SNX25: variants seen among roughly 807,000 people sequenced by gnomAD.
SNX25 encodes the protein sorting nexin-25.
SNX25 carries 62 observed loss-of-function variants against 113.7 expected under a neutral mutation model. That is an observed-to-expected ratio of 0.55 (90% CI 0.44 to 0.67). SNX25 has a LOEUF of 0.67. SNX25 is among the 30% of genes least tolerant of loss of function. The probability of loss-of-function intolerance (pLI) is 0.00; values close to 1 mark genes in which losing one functional copy is unlikely to be tolerated. For synonymous variants in SNX25, 421 were observed against 436.2 expected (o/e 0.97, Z 0.43); for missense variants, 1,014 against 1,161.0 (o/e 0.87, Z 1.84).
chr4:185,357,840 T>A, intron 16 of SNX25, 103 bp downstream of exon 16: 1 of 959,912 alleles, frequency 1.0e-6, no homozygotes, highest in Non-Finnish European at 1.6e-6. Flanking sequence ...TGAAAGTCTT[T>A]AATTTTCTCT....
At chr4:185,283,346 A>C (rs545065145) in intron 5 of SNX25, among the ~76,000 whole-genome samples, 1 of 152,356 alleles carries the variant, frequency 6.6e-6, no homozygotes, top group South Asian at 2.1e-4. Flanking sequence ...GGAGTGTTTA[A>C]TAAGAGTTAA....
chr4:185,265,436 G>A (rs903050105), intron 4 of SNX25, among the ~76,000 whole-genome samples: 1 of 152,094 alleles, frequency 6.6e-6, no homozygotes, highest in African/African-American at 2.4e-5. Context: ...TATAGAAAAG[G>A]TACAGTAAAA....
At chr4:185,301,879 G>A (rs963732913) in intron 6 of SNX25, among the ~76,000 whole-genome samples, 19 of 146,758 alleles carry the variant, frequency 1.3e-4, no homozygotes. Context: ...GACCCACCAT[G>A]CCTGGCCCTT....
intron 1 of SNX25, among the ~76,000 whole-genome samples, chr4:185,213,654 G>A (rs997732897): frequency 1.3e-5 from 2 of 152,130 alleles, no homozygotes; most frequent in African/African-American, 4.8e-5. Context: ...ACTCACCTGG[G>A]TCTGAGCCTC....
intron 10 of SNX25, among the ~76,000 whole-genome samples, chr4:185,337,993 C>A (rs1303623425): frequency 6.6e-6 from 1 of 152,024 alleles, no homozygotes; most frequent in Non-Finnish European, 1.5e-5. Context: ...CTATTCAAAT[C>A]CTTTGTGCAT....
chr4:185,210,084 G>A lies in SNX25; in HGVS notation c.258G>A (p.Gly86=). ...GCGGGGAGGCGGCGGGGGCCGCGGG[G>A]CTGAGCTCCGTCCTGTTCAGGCTCA... ...PGSGEAAGAA[G]LSSVLFRLSL... is the part of the protein sequence containing the mutation. Residue 86 remains glycine, a synonymous_variant, in exon 1 of 19, where the codon GGG becomes GGA. Transcript: ENST00000652585. This position sits in a 1 kb window ranked among gnomAD's most constrained non-coding sequence, Gnocchi z 4.4. The A allele has an allele frequency of 9.1e-6, 9 of 984,186 alleles. No homozygotes were observed. Among genetic ancestry groups the A allele is most frequent in the Non-Finnish European group, 1.1e-5 (9 of 829,508 alleles). 61.0% of individuals were successfully genotyped at this position (984,186 alleles called of 1,614,324 possible).
intron 7 of SNX25, 94 bp from the exon 8 acceptor site, chr4:185,320,639 T>C (rs2095112749): frequency 1.1e-6 from 1 of 918,234 alleles, no homozygotes; most frequent in Non-Finnish European, 1.5e-6. Flanking sequence ...AATGCATTTT[T>C]ACCCTAAATG....
intron 5 of SNX25, among the ~76,000 whole-genome samples, chr4:185,274,708 C>A (rs1385543541): frequency 6.6e-6 from 1 of 152,178 alleles, no homozygotes; most frequent in Non-Finnish European, 1.5e-5. Flanking sequence ...TTCTAAGCTA[C>A]CATGTGCTGA....
At chr4:185,373,269 G>A (rs563229045), downstream of SNX25, among the ~76,000 whole-genome samples, 4 of 152,280 alleles carry the variant, frequency 2.6e-5, no homozygotes, top group African/African-American at 7.2e-5. Context: ...GAGTTCCTCC[G>A]CTGTCTGTCC....
rs1307916714 is a variant in SNX25, at chr4:185,363,515, A to G, written c.*50A>G. On this transcript the variant is annotated 3_prime_UTR_variant, in exon 19 of 19. Transcript: ENST00000652585. The surrounding 1 kb of genome is among the most constrained non-coding windows in gnomAD (Gnocchi z 4.2). ...AAATGTCTGTGTAATAATAGACATGAAACATTTTCCTCTTTTCCACAGAGG... is the reference window on the plus strand; with the variant it reads ...AAATGTCTGTGTAATAATAGACATGGAACATTTTCCTCTTTTCCACAGAGG... 2 of 1,554,632 alleles carry G rather than the reference A, an allele frequency of 1.3e-6. No homozygotes were observed. The highest frequency in any genetic ancestry group is 1.4e-5 in the African/African-American group (1 of 73,706).
chr4:185,362,740 C>T, intron 18 of SNX25, 29 bp downstream of exon 18: 1 of 1,568,866 alleles, frequency 6.4e-7, no homozygotes, highest in Middle Eastern at 1.7e-4. Context: ...AGGGGGTTTC[C>T]TGCTTTATTT....
chr4:185,224,149 C>G (rs926804157), intron 1 of SNX25, among the ~76,000 whole-genome samples: 1 of 151,978 alleles, frequency 6.6e-6, no homozygotes, highest in African/African-American at 2.4e-5. Context: ...GTTAGGAGTT[C>G]AAGACCAGCC....
rs201704303 is a variant in SNX25, at chr4:185,320,727, T to C, written c.1345-6T>C. On this transcript the variant is annotated splice_polypyrimidine_tract_variant and splice_region_variant and intron_variant, in intron 7 of 18. Transcript: ENST00000652585. ...TAAAAAAAGTTTTCTTAAATTCTCT[T>C]AATAGATTCTTCAGTTTGAAGATAT... 1.1e-5 allele frequency: 16 copies of C among 1,500,788 alleles called. No homozygotes were observed. The Admixed American group carries it at 3.8e-4, about 36-fold the overall frequency. 93.0% of individuals were successfully genotyped at this position (1,500,788 alleles called of 1,614,324 possible).
chr4:185,351,620 G>A lies in SNX25; in HGVS notation c.2466+11G>A, dbSNP rs753826309. On this transcript the variant is annotated intron_variant, in intron 14 of 18. Coordinates refer to ENST00000652585, the MANE Select transcript of SNX25 (RefSeq NM_001378034.2). ...TTCTCCCACCAGGAGGTGAGCCGTTGAAAGAGTGAACCACTTTTGTAGTGT... is the reference window on the plus strand; with the variant it reads ...TTCTCCCACCAGGAGGTGAGCCGTTAAAAGAGTGAACCACTTTTGTAGTGT... 21 of 1,612,018 alleles carry A rather than the reference G, an allele frequency of 1.3e-5. No homozygotes were observed. The East Asian group carries it at 4.0e-4, about 31-fold the overall frequency.
chr4:185,264,165 G>C, intron 3 of SNX25, among the ~76,000 whole-genome samples: 1 of 152,168 alleles, frequency 6.6e-6, no homozygotes, highest in East Asian at 1.9e-4. Flanking sequence ...TACCTTTTTA[G>C]ATTGTTGCTG....
intron 3 of SNX25, 73 bp from the exon 4 acceptor site, chr4:185,264,365 T>C: frequency 7.2e-7 from 1 of 1,382,940 alleles, no homozygotes; most frequent in Non-Finnish European, 9.9e-7. Flanking sequence ...ATTTGAAATA[T>C]TTTTTACCTA....
chr4:185,206,660 CAAAAAAA>C (rs375061067), upstream of SNX25, among the ~76,000 whole-genome samples: 1 of 77,438 alleles, frequency 1.3e-5, no homozygotes, highest in Non-Finnish European at 2.3e-5. Context: ...ACTCTTGTCT[CAAAAAAA>C]AAAAAAAAAA....
intron 5 of SNX25, among the ~76,000 whole-genome samples, chr4:185,284,292 T>C (rs528046783): frequency 6.6e-6 from 1 of 152,344 alleles, no homozygotes; most frequent in African/African-American, 2.4e-5. Flanking sequence ...GCACACCATT[T>C]TCTTTGTTCA....
At chr4:185,240,599 G>A (rs1356132428) in intron 1 of SNX25, among the ~76,000 whole-genome samples, 104 of 150,762 alleles carry the variant, frequency 6.9e-4, no homozygotes, top group African/African-American at 2.5e-3. Context: ...AGGGGCGGCC[G>A]GGCAGAGGCG....
Sources: allele counts gnomAD v4.1 joint callset (sites outside exome capture counted in the v4.1 genomes callset), GRCh38; gene constraint gnomAD v4.1.1; non-coding constraint Gnocchi (gnomAD v3.1); transcripts MANE v1.5; gene names NCBI Gene and HGNC (gene_info 2026-07-23, HGNC 2026-07-21).